The following PRKCI variants were observed in gnomAD, a reference collection of about 807,000 sequenced individuals.
PRKCI encodes protein kinase C iota type.
Under a neutral mutation model 84.0 loss-of-function variants are expected in PRKCI, and 43 were observed. The observed-to-expected ratio is 0.51, with a 90% CI of 0.40 to 0.66. The LOEUF (loss-of-function observed/expected upper bound fraction) is 0.66, where lower values mean the gene tolerates loss of function less well. Ranked by LOEUF, PRKCI falls within the 30% of genes least tolerant of loss-of-function variation. PRKCI has a pLI of 0.00. For synonymous variants in PRKCI, 216 were observed against 234.4 expected, an observed-to-expected ratio of 0.92 and a Z score of 0.72; for missense variants, 459 against 745.6, an observed-to-expected ratio of 0.62 and a Z score of 4.48.
At position 170,273,323 on chromosome 3, in the gene PRKCI, C is replaced by T; in HGVS notation, c.629C>T (p.Ser210Phe). 1 of 1,613,774 alleles carries T rather than the reference C, an allele frequency of 6.2e-7. No homozygotes were observed. Among genetic ancestry groups the T allele is most frequent in the East Asian group, 2.2e-5 (1 of 44,854 alleles). ...VMPMDQSSMHSDHAQTVIPYN... is the reference protein window; with the variant it reads ...VMPMDQSSMHFDHAQTVIPYN... ...CCCATGGATCAGTCATCCATGCATT[C>T]TGACCATGCACAGACAGGTAAGAGT... The change falls in exon 7 of 18, where the codon TCT (serine) becomes TTT (phenylalanine). Residue 210 changes from serine to phenylalanine, a missense_variant. Physicochemically the swap from Ser to Phe is radical, Grantham distance 155. Around this residue, in one of 2 missense-constraint regions of PRKCI, gnomAD observed 250 missense variants for 319.7 expected, o/e 0.78. Coordinates refer to ENST00000295797, the MANE Select transcript of PRKCI (RefSeq NM_002740.6).
intron 12 of PRKCI, among the ~76,000 whole-genome samples, chr3:170,291,337 A>C (rs1310757927): frequency 6.6e-6 from 1 of 152,098 alleles, no homozygotes; most frequent in Non-Finnish European, 1.5e-5. Flanking sequence ...AATTGAATCA[A>C]CTCTAGCAAC....
Position 170,281,031 on chromosome 3 carries a change from C to T in PRKCI, c.883-135C>T, listed in dbSNP as rs895953583. 5.2e-5 allele frequency: 31 copies of T among 591,462 alleles called. No individual in the cohort carries two copies. The East Asian group carries it at 5.6e-4, about 11-fold the overall frequency. The allele number at this position is 591,462 out of a possible 1,614,324, so 36.6% of individuals were successfully genotyped here. A position where few individuals can be genotyped will look rare whatever the true frequency, so the allele number is the denominator to read the frequency against. Reference sequence around the variant, plus strand: ...ATTTTTCTCTTTGTATGTAAATTTTCGTTTCATGATTATCAATGGTTTTGA... The same window carrying T: ...ATTTTTCTCTTTGTATGTAAATTTTTGTTTCATGATTATCAATGGTTTTGA... On this transcript the variant is annotated intron_variant, in intron 9 of 17. Coordinates refer to ENST00000295797, the MANE Select transcript of PRKCI (RefSeq NM_002740.6).
chr3:170,253,054 A>T lies in PRKCI; in HGVS notation c.224-6915A>T, dbSNP rs552120627. 1.5e-3 allele frequency among the ~76,000 whole-genome samples: 234 copies of T among 152,332 alleles called. 1 individual carries two copies. The highest frequency in any genetic ancestry group is 5.4e-3 in the African/African-American group (223 of 41,582). The stretch of plus-strand genomic sequence containing the variant: ...ATGTTGTTGCAAGTGACAGGATCTC[A>T]TTCTTTTTTGTGGCTGAATAGTACT... On this transcript the variant is annotated intron_variant, in intron 2 of 17. Transcript: ENST00000295797.
chr3:170,267,941 C>T lies in PRKCI; in HGVS notation c.391C>T (p.Arg131Cys). 1.9e-6 allele frequency: 3 copies of T among 1,612,108 alleles called. No homozygotes were observed. The highest frequency in any genetic ancestry group is 2.5e-6 in the Non-Finnish European group (3 of 1,179,038). Residue 131 changes from arginine (R) to cysteine (C), a missense_variant, in exon 5 of 18, where the codon CGC (arginine) becomes TGC (cysteine). Transcript: ENST00000295797. Reference protein sequence around the residue: ...DKSIYRRGARRWRKLYCANGH... With the variant: ...DKSIYRRGARCWRKLYCANGH... ...ATCCATCTACCGTAGAGGTGCACGC[C>T]GCTGGAGAAAGCTTTATTGTGCCAA... is the stretch of plus-strand genomic sequence containing the variant.
chr3:170,235,198 T>C, intron 1 of PRKCI, 32 bp from the exon 2 acceptor site: 3 of 1,602,508 alleles, frequency 1.9e-6, no homozygotes, highest in Non-Finnish European at 2.6e-6. Context: ...TTTTTAATCA[T>C]TTTCAAACTG....
intron 10 of PRKCI, 159 bp downstream of exon 10, chr3:170,281,422 T>C (rs768864140): frequency 2.5e-5 from 15 of 606,386 alleles, no homozygotes; most frequent in Non-Finnish European, 3.2e-5. Context: ...ATCAGTGATA[T>C]CAGTTTGATA....
At chr3:170,232,434 C>G (rs1414845104) in intron 1 of PRKCI, among the ~76,000 whole-genome samples, 3 of 152,082 alleles carry the variant, frequency 2.0e-5, no homozygotes, top group Non-Finnish European at 4.4e-5. Context: ...GACATAGTCA[C>G]AGCTCACTGC....
intron 11 of PRKCI, among the ~76,000 whole-genome samples, chr3:170,282,489 G>T (rs1734271880): frequency 6.6e-6 from 1 of 150,842 alleles, no homozygotes; most frequent in African/African-American, 2.4e-5. Context: ...CTGAGGTCAG[G>T]AGTTTGAGAC....
At chr3:170,278,454 C>T (rs1464328709) in intron 8 of PRKCI, among the ~76,000 whole-genome samples, 1 of 152,112 alleles carries the variant, frequency 6.6e-6, no homozygotes, top group South Asian at 2.1e-4. Context: ...TAGTTCAGGA[C>T]CAGCCTTGGC....
rs1178926505 is a variant in PRKCI, at chr3:170,273,350, G to A, written c.646+10G>A. ...GACCATGCACAGACAGGTAAGAGTGGTGCTGGCACAACCCATTGTTCATTC... is the reference window on the plus strand; with the variant it reads ...GACCATGCACAGACAGGTAAGAGTGATGCTGGCACAACCCATTGTTCATTC... On this transcript the variant is annotated intron_variant, in intron 7 of 17. Transcript: ENST00000295797. The A allele has an allele frequency of 1.2e-6, 2 of 1,612,106 alleles. No individual in the cohort carries two copies. The highest frequency in any genetic ancestry group is 1.7e-5 in the Admixed American group (1 of 60,004).
chr3:170,259,574 C>T (rs1322779174), intron 2 of PRKCI, among the ~76,000 whole-genome samples: 6 of 152,080 alleles, frequency 3.9e-5, no homozygotes, highest in East Asian at 1.9e-4. Context: ...TTTGGGAGGC[C>T]GAGGCAGGCG....
chr3:170,296,253 C>T (rs1290665899), intron 15 of PRKCI, among the ~76,000 whole-genome samples: 3 of 152,126 alleles, frequency 2.0e-5, no homozygotes, highest in Non-Finnish European at 4.4e-5. Context: ...ATAATATATA[C>T]CATATTCTCA....
intron 12 of PRKCI, among the ~76,000 whole-genome samples, chr3:170,287,077 G>C (rs1323543218): frequency 6.6e-6 from 1 of 152,106 alleles, no homozygotes; most frequent in East Asian, 1.9e-4. Context: ...GCTCAGACCT[G>C]TAATCCCAGC....
chr3:170,295,146 G>A (rs1363486600), intron 14 of PRKCI, among the ~76,000 whole-genome samples: 1 of 152,076 alleles, frequency 6.6e-6, no homozygotes, highest in Non-Finnish European at 1.5e-5. Context: ...TGGAGGCGGA[G>A]GTTGCAGTGA....
At chr3:170,248,853 C>CT (rs35355260) in intron 2 of PRKCI, among the ~76,000 whole-genome samples, 25,623 of 142,270 alleles carry the variant, frequency 0.18, 2,425 homozygotes, top group Non-Finnish European at 0.22. Context: ...TTTTTCTTTT[C>CT]TTTTTTTTTT....
intron 12 of PRKCI, among the ~76,000 whole-genome samples, chr3:170,290,500 C>T (rs966631943): frequency 2.0e-5 from 3 of 151,372 alleles, no homozygotes; most frequent in East Asian, 3.9e-4. Flanking sequence ...CACATATAGA[C>T]GTACATATAT....
intron 12 of PRKCI, among the ~76,000 whole-genome samples, chr3:170,285,811 C>T (rs1734369721): frequency 6.6e-6 from 1 of 151,510 alleles, no homozygotes; most frequent in Admixed American, 6.6e-5. Context: ...ATGGCACAAT[C>T]TTGGCTCACT....
intron 11 of PRKCI, among the ~76,000 whole-genome samples, 163 bp downstream of exon 11, chr3:170,282,131 T>A (rs1420746260): frequency 2.6e-5 from 4 of 152,202 alleles, no homozygotes; most frequent in Admixed American, 2.0e-4. Context: ...TATATATATG[T>A]AAAACAATTA....
rs142772085 is a variant in PRKCI at position 170,293,468 on chromosome 3, C to T, written c.1377C>T (p.Ser459=). 1.2e-4 allele frequency: 188 copies of T among 1,613,704 alleles called. No homozygotes were observed. The highest frequency in any genetic ancestry group is 9.5e-4 in the African/African-American group (71 of 74,962). Reference sequence around the variant, plus strand: ...CTCCATTTGATATTGTTGGGAGCTCCGATAACCCTGACCAGAACACAGAGG... The same window carrying T: ...CTCCATTTGATATTGTTGGGAGCTCTGATAACCCTGACCAGAACACAGAGG... ...GRSPFDIVGS[S]DNPDQNTEDY... The change falls in exon 14 of 18, where the codon TCC becomes TCT. Residue 459 remains serine, a synonymous_variant. Coordinates refer to ENST00000295797, the MANE Select transcript of PRKCI (RefSeq NM_002740.6).
Sources: gnomAD v4.1 joint callset for allele counts (sites outside exome capture counted in the v4.1 genomes callset) on GRCh38, gnomAD v4.1.1 for gene constraint, gnomAD v4.1.1 regional missense constraint, MANE v1.5 for transcripts, NCBI Gene and HGNC (gene_info 2026-07-23, HGNC 2026-07-21) for gene names.